TSHZ2: variants seen among roughly 807,000 people sequenced by gnomAD.
TSHZ2 encodes teashirt zinc finger homeobox 2.
A neutral mutation model predicts 74.4 loss-of-function variants in TSHZ2; 21 were observed. That is an observed-to-expected ratio of 0.28 (90% CI 0.20 to 0.41). The LOEUF (loss-of-function observed/expected upper bound fraction) is 0.41. Among genes scored for constraint, TSHZ2 ranks in the 10% least tolerant of loss-of-function variants. The probability of loss-of-function intolerance (pLI) is 1.00; values close to 1 mark genes in which losing one functional copy is unlikely to be tolerated. For synonymous variants in TSHZ2, 540 were observed against 515.3 expected, an observed-to-expected ratio of 1.05 and a Z score of -0.65; for missense variants, 1,244 against 1,293.5, an observed-to-expected ratio of 0.96 and a Z score of 0.59.
intron 2 of TSHZ2, among the ~76,000 whole-genome samples, chr20:53,390,925 G>T (rs1274911661): frequency 6.6e-6 from 1 of 152,142 alleles, no homozygotes; most frequent in Admixed American, 6.5e-5. Flanking sequence ...AATATTTTTA[G>T]CTTTGCTAGC....
At chr20:53,111,378 G>A (rs751592486) in intron 1 of TSHZ2, among the ~76,000 whole-genome samples, 7 of 152,038 alleles carry the variant, frequency 4.6e-5, no homozygotes, top group Non-Finnish European at 8.8e-5. Context: ...AAATCTTTAC[G>A]GCATAAAATA....
chr20:53,123,319 G>C (rs1018814620), intron 1 of TSHZ2, among the ~76,000 whole-genome samples: 1 of 152,330 alleles, frequency 6.6e-6, no homozygotes, highest in African/African-American at 2.4e-5. Context: ...ACCTGGGCTA[G>C]AGCTGGGCTG....
At chr20:53,359,806 G>A (rs562422873) in intron 2 of TSHZ2, among the ~76,000 whole-genome samples, 4 of 152,324 alleles carry the variant, frequency 2.6e-5, no homozygotes, top group African/African-American at 9.6e-5. Flanking sequence ...GGAGGGCTTC[G>A]AGCCAGGCTA....
chr20:53,276,103 T>G (rs944580409), intron 2 of TSHZ2, among the ~76,000 whole-genome samples: 1 of 152,206 alleles, frequency 6.6e-6, no homozygotes, highest in Non-Finnish European at 1.5e-5. Flanking sequence ...GTTCAAAGGA[T>G]GTATGCCGTC....
At chr20:53,475,828 T>A in intron 2 of TSHZ2, among the ~76,000 whole-genome samples, 1 of 136,302 alleles carries the variant, frequency 7.3e-6, no homozygotes, top group Non-Finnish European at 1.6e-5. Flanking sequence ...AAAGGGGATA[T>A]CACCACCGAT....
intron 1 of TSHZ2, among the ~76,000 whole-genome samples, chr20:53,063,497 C>T (rs1226076165): frequency 6.6e-6 from 1 of 152,172 alleles, no homozygotes; most frequent in Non-Finnish European, 1.5e-5. Flanking sequence ...AGATTTCAGA[C>T]TGTAAATAAA....
chr20:53,402,031 C>T (rs919221407), intron 2 of TSHZ2, among the ~76,000 whole-genome samples: 5 of 152,128 alleles, frequency 3.3e-5, no homozygotes, highest in Admixed American at 6.5e-5. Context: ...GATCTGCCCG[C>T]CTTGGCCTCT....
At chr20:53,368,243 C>T (rs1981342514) in intron 2 of TSHZ2, among the ~76,000 whole-genome samples, 1 of 151,618 alleles carries the variant, frequency 6.6e-6, no homozygotes, top group South Asian at 2.1e-4. Flanking sequence ...AGAACGATCA[C>T]TGCTAAACCA....
In TSHZ2 at chr20:52,982,372, C is replaced by T. The variant is rs142669913; in HGVS notation, c.40+9039C>T. On this transcript the variant is annotated intron_variant, in intron 1 of 2. Coordinates refer to ENST00000371497, the MANE Select transcript of TSHZ2 (RefSeq NM_173485.6). ...AAGAACCCTCAGTCTTATTATTCTC[C>T]CCCTGTGTCTATTGTGATGTCTAAA... is the stretch of plus-strand genomic sequence containing the variant. Among the ~76,000 whole-genome samples, 10 of 152,270 alleles carry T rather than the reference C, an allele frequency of 6.6e-5. No individual in the cohort carries two copies. In the East Asian group the frequency reaches 1.7e-3, roughly 26 times the overall value.
At chr20:53,214,278 G>A (rs1172429376) in intron 1 of TSHZ2, among the ~76,000 whole-genome samples, 3 of 152,074 alleles carry the variant, frequency 2.0e-5, no homozygotes, top group Non-Finnish European at 2.9e-5. Context: ...GAGAGGGAGC[G>A]GATGATGGAC....
chr20:52,992,064 T>C (rs1415936591), intron 1 of TSHZ2, among the ~76,000 whole-genome samples: 1 of 152,100 alleles, frequency 6.6e-6, no homozygotes, highest in Non-Finnish European at 1.5e-5. Context: ...CTCAGGAAAA[T>C]TTGCTCTCAA....
At chr20:52,973,457 C>T (rs1349454391) in intron 1 of TSHZ2, 124 bp downstream of exon 1, 7 of 1,242,504 alleles carry the variant, frequency 5.6e-6, no homozygotes, top group Admixed American at 2.3e-5. Context: ...GCCGGGTGCC[C>T]TTCTAATAAC....
At position 53,255,768 on chromosome 20, in the gene TSHZ2, C is replaced by T. The variant is rs1990459837; in HGVS notation, c.2310C>T (p.Ser770=). ...ATCAGCCCATTGACCTGACCAAGTC[C>T]AAAAGCAAGAAAGCCGAGTCCTCGC... is the stretch of plus-strand genomic sequence containing the variant. The part of the protein sequence containing the change: ...NSDQPIDLTK[S]KSKKAESSQA... Residue 770 remains serine, a synonymous_variant, in exon 2 of 3, where the codon TCC becomes TCT. Transcript: ENST00000371497. This position sits in a 1 kb window ranked among gnomAD's most constrained non-coding sequence, Gnocchi z 4.1. 1 of 1,613,998 alleles carries T rather than the reference C, an allele frequency of 6.2e-7. No homozygotes were observed. The highest frequency in any genetic ancestry group is 8.5e-7 in the Non-Finnish European group (1 of 1,179,990).
chr20:53,243,353 A>G (rs1168367166), intron 1 of TSHZ2, among the ~76,000 whole-genome samples: 2 of 152,224 alleles, frequency 1.3e-5, no homozygotes, highest in South Asian at 2.1e-4. Flanking sequence ...TCATCACTGC[A>G]TGCATGTTCA....
At chr20:53,328,864 T>G (rs1172716328) in intron 2 of TSHZ2, among the ~76,000 whole-genome samples, 1 of 152,240 alleles carries the variant, frequency 6.6e-6, no homozygotes, top group Non-Finnish European at 1.5e-5. Context: ...ATTGCATGTT[T>G]AAAGCCATAA....
chr20:53,276,205 G>A (rs1990943086), intron 2 of TSHZ2, among the ~76,000 whole-genome samples: 1 of 151,016 alleles, frequency 6.6e-6, no homozygotes, highest in Admixed American at 6.6e-5. Context: ...CCAGCTCCAG[G>A]GTCTAAAGCT....
intron 2 of TSHZ2, among the ~76,000 whole-genome samples, chr20:53,461,031 G>A (rs531911235): frequency 6.6e-6 from 1 of 152,318 alleles, no homozygotes; most frequent in South Asian, 2.1e-4. Flanking sequence ...GGAGCCTACA[G>A]AGGCAGGCAG....
chr20:53,296,425 A>G (rs774413763), intron 2 of TSHZ2, among the ~76,000 whole-genome samples: 47 of 152,186 alleles, frequency 3.1e-4, no homozygotes, highest in Admixed American at 1.3e-4. Flanking sequence ...TCCAATATGT[A>G]ACCTCCTTCA....
At chr20:53,157,649 T>C (rs1987829053) in intron 1 of TSHZ2, among the ~76,000 whole-genome samples, 1 of 152,190 alleles carries the variant, frequency 6.6e-6, no homozygotes, top group Admixed American at 6.5e-5. Context: ...GATAAAGTTG[T>C]TTGGTTAACA....
Sources: allele counts gnomAD v4.1 joint callset (sites outside exome capture counted in the v4.1 genomes callset), GRCh38; gene constraint gnomAD v4.1.1; non-coding constraint Gnocchi (gnomAD v3.1); transcripts MANE v1.5; gene names NCBI Gene and HGNC (gene_info 2026-07-23, HGNC 2026-07-21).